The following KRT24 variants were observed in gnomAD, a reference collection of about 807,000 sequenced individuals.
The protein encoded by KRT24 is keratin, type I cytoskeletal 24.
KRT24 carries 44 observed loss-of-function variants against 51.7 expected under a neutral mutation model. The ratio of observed to expected loss-of-function variants is 0.85; its 90% CI spans 0.67 to 1.09. The LOEUF (loss-of-function observed/expected upper bound fraction) is 1.09, where lower values mean the gene tolerates loss of function less well. Among genes scored for constraint, KRT24 ranks in the 50% least tolerant of loss-of-function variants. The pLI, the probability that KRT24 is intolerant of heterozygous loss-of-function variation, is 0.00. For synonymous variants in KRT24, 241 were observed against 249.5 expected, an observed-to-expected ratio of 0.97 and a Z score of 0.32; for missense variants, 633 against 647.0, an observed-to-expected ratio of 0.98 and a Z score of 0.24.
At position 40,703,409 on chromosome 17, in the gene KRT24, C is replaced by G; in HGVS notation, c.285G>C (p.Gly95=). The change falls in exon 1 of 8, where the codon GGG becomes GGC. Residue 95 remains glycine, a synonymous_variant. Transcript: ENST00000264651. ...TGFGGGSSFG[G]VSGFGRGSGF... ...CAGAACCCCTGCCAAATCCAGAGACCCCGCCAAAGCTAGAACCCCCACCAA... is the reference window on the plus strand; with the variant it reads ...CAGAACCCCTGCCAAATCCAGAGACGCCGCCAAAGCTAGAACCCCCACCAA... The G allele has an allele frequency of 6.2e-7, 1 of 1,609,172 alleles. No individual in the cohort carries two copies. Among genetic ancestry groups the G allele is most frequent in the South Asian group, 1.1e-5 (1 of 90,990 alleles).
In KRT24 at chr17:40,700,241, T is replaced by C. The variant is rs756483222; in HGVS notation, c.998A>G (p.Glu333Gly). The C allele has an allele frequency of 2.5e-6, 4 of 1,614,072 alleles. No individual in the cohort carries two copies. Among genetic ancestry groups the C allele is most frequent in the South Asian group, 1.1e-5 (1 of 91,068 alleles). The change falls in exon 4 of 8, where the codon GAG becomes GGG. Residue 333 changes from glutamate (E) to glycine (G), a missense_variant. Coordinates refer to ENST00000264651, the MANE Select transcript of KRT24 (RefSeq NM_019016.3). ...ELAEQNRREA[E>G]ERFNKQSASL... is the part of the protein sequence containing the mutation. ...ATCTACCTGCTTGTTGAACCGCTCCTCAGCCTCTCGGCGGTTTTGCTCAGC... is the reference window on the plus strand; with the variant it reads ...ATCTACCTGCTTGTTGAACCGCTCCCCAGCCTCTCGGCGGTTTTGCTCAGC...
intron 7 of KRT24, 92 bp from the exon 8 acceptor site, chr17:40,698,432 T>C (rs1341258153): frequency 1.3e-5 from 15 of 1,126,904 alleles, no homozygotes; most frequent in Non-Finnish European, 2.0e-5. Flanking sequence ...ACGTGTTCTG[T>C]CTGGGTAAGA....
chr17:40,701,607 C>T (rs1341538187), intron 2 of KRT24, among the ~76,000 whole-genome samples: 1 of 150,268 alleles, frequency 6.7e-6, no homozygotes, highest in Non-Finnish European at 1.5e-5. Flanking sequence ...CGGTGTGTAG[C>T]TACTGGCTTA....
rs1416659242 is a variant in KRT24, at chr17:40,701,210, C to T, written c.785G>A (p.Arg262His). 10 of 1,613,994 alleles carry T rather than the reference C, an allele frequency of 6.2e-6. No homozygotes were observed. Among genetic ancestry groups the T allele is most frequent in the Non-Finnish European group, 8.5e-6 (10 of 1,179,920 alleles). ...RKVLDDLTMT[R>H]SDLEMQIESF... ...CTCAATCTGCATCTCCAGGTCAGAG[C>T]GGGTCATAGTCAGGTCATCCAGGAC... Residue 262 changes from arginine to histidine, a missense_variant, in exon 3 of 8, where the codon CGC becomes CAC. Coordinates refer to ENST00000264651, the MANE Select transcript of KRT24 (RefSeq NM_019016.3).
chr17:40,700,107 G>C lies in KRT24; in HGVS notation c.1034C>G (p.Ala345Gly), dbSNP rs1177103482. 12 of 1,614,070 alleles carry C rather than the reference G, an allele frequency of 7.4e-6. No individual in the cohort carries two copies. Among genetic ancestry groups the C allele is most frequent in the Non-Finnish European group, 1.0e-5 (12 of 1,180,036 alleles). The change falls in exon 5 of 8, where the codon GCA becomes GGA. Residue 345 changes from alanine (A) to glycine (G), a missense_variant. Physicochemically the swap from Ala to Gly is moderately conservative, Grantham distance 60. Transcript: ENST00000264651. Reference sequence around the variant, plus strand: ...TGCCCCAGCATCAGTGGAGATTTGTGCTTGTAGTGATGCGCTCTAAATACA... The same window carrying C: ...TGCCCCAGCATCAGTGGAGATTTGTCCTTGTAGTGATGCGCTCTAAATACA... Reference protein sequence around the residue: ...RFNKQSASLQAQISTDAGAAT... With the variant: ...RFNKQSASLQGQISTDAGAAT...
At position 40,701,176 on chromosome 17, in the gene KRT24, G is replaced by C. The variant is rs752093858; in HGVS notation, c.819C>G (p.Thr273=). The C allele has an allele frequency of 1.9e-6, 3 of 1,613,932 alleles. No homozygotes were observed. The highest frequency in any genetic ancestry group is 1.6e-4 in the Middle Eastern group (1 of 6,062). The change falls in exon 3 of 8, where the codon ACC becomes ACG. Residue 273 remains threonine (T), a synonymous_variant. Coordinates refer to ENST00000264651, the MANE Select transcript of KRT24 (RefSeq NM_019016.3). ...TCTTCCTCAGGTAGGCTAGCTCCTC[G>C]GTGAAACTCTCAATCTGCATCTCCA... The part of the protein sequence containing the change: ...SDLEMQIESF[T]EELAYLRKNH...
rs1296590908 is a variant in KRT24, at chr17:40,698,217, TTTG to T, written c.*17_*19del. ...GATTTTTTTTTCTTTGAAAGACACTTTTGTTGATCTGGAAGTTCCTTATTTAAC... is the reference window on the plus strand; with the variant it reads ...GATTTTTTTTTCTTTGAAAGACACTTTTGATCTGGAAGTTCCTTATTTAAC... On this transcript the variant is annotated 3_prime_UTR_variant, in exon 8 of 8. Coordinates refer to ENST00000264651, the MANE Select transcript of KRT24 (RefSeq NM_019016.3). The T allele has an allele frequency of 4.7e-6, 7 of 1,485,836 alleles. No homozygotes were observed. The Middle Eastern group carries it at 5.1e-4, about 109-fold the overall frequency. 92.0% of individuals were successfully genotyped at this position (1,485,836 alleles called of 1,614,324 possible).
rs376890305 is a variant in KRT24 at position 40,700,120 on chromosome 17, C to T, written c.1021G>A (p.Ala341Thr). Residue 341 changes from alanine to threonine, a missense_variant, in exon 5 of 8, where the codon GCA becomes ACA. Transcript: ENST00000264651. Reference sequence around the variant, plus strand: ...GTGGAGATTTGTGCTTGTAGTGATGCGCTCTAAATACAAACATAATGCAGC... The same window carrying T: ...GTGGAGATTTGTGCTTGTAGTGATGTGCTCTAAATACAAACATAATGCAGC... ...EAEERFNKQS[A>T]SLQAQISTDA... 2.6e-5 allele frequency: 42 copies of T among 1,613,964 alleles called. No individual in the cohort carries two copies. Among genetic ancestry groups the T allele is most frequent in the Non-Finnish European group, 3.1e-5 (37 of 1,180,028 alleles).
At chr17:40,699,964 C>G in intron 5 of KRT24, 34 bp downstream of exon 5, 4 of 1,613,146 alleles carry the variant, frequency 2.5e-6, no homozygotes, top group Non-Finnish European at 3.4e-6. Context: ...GCTTAACTCC[C>G]TGTTGGAAAA....
At position 40,699,611 on chromosome 17, in the gene KRT24, A is replaced by G; in HGVS notation, c.1194T>C (p.Ala398=). The part of the protein sequence containing the change: ...TLADTEAGYV[A]QLSEIQTQIS... ...TCTGCGTTTGAATTTCTGACAGCTG[A>G]GCCACGTAGCCAGCTTCTGTGTCAG... Residue 398 remains alanine (A), a synonymous_variant, in exon 6 of 8, where the codon GCT becomes GCC. Transcript: ENST00000264651. The G allele has an allele frequency of 6.2e-7, 1 of 1,614,158 alleles. No individual in the cohort carries two copies. Among genetic ancestry groups the G allele is most frequent in the South Asian group, 1.1e-5 (1 of 91,078 alleles).
intron 3 of KRT24, among the ~76,000 whole-genome samples, 180 bp from the exon 4 acceptor site, chr17:40,700,563 T>C (rs2037665087): frequency 6.6e-6 from 1 of 152,160 alleles, no homozygotes; most frequent in South Asian, 2.1e-4. Flanking sequence ...GGAAATTCAC[T>C]TAGATAAAAA....
intron 2 of KRT24, 70 bp downstream of exon 2, chr17:40,701,769 ATATATATATATT>A (rs1468690825): frequency 2.8e-4 from 11 of 39,482 alleles, no homozygotes; most frequent in Admixed American, 1.2e-3. Flanking sequence ...ATATATATAT[ATATATATATATT>A]TATTTATAAA....
intron 3 of KRT24, 95 bp from the exon 4 acceptor site, chr17:40,700,478 T>G: frequency 1.2e-6 from 1 of 869,110 alleles, no homozygotes; most frequent in South Asian, 2.3e-5. Flanking sequence ...AGTAGGACAC[T>G]GAAAGGAAAA....
chr17:40,701,864 C>A lies in KRT24; in HGVS notation c.685G>T (p.Asp229Tyr), dbSNP rs1206936891. 6.8e-7 allele frequency: 1 copy of A among 1,473,792 alleles called. No individual in the cohort carries two copies. The highest frequency in any genetic ancestry group is 9.1e-7 in the Non-Finnish European group (1 of 1,099,782). The allele number at this position is 1,473,792 out of a possible 1,614,324, so 91.3% of individuals were successfully genotyped here. ...TATGTTTCTTACTTCAGTCTGAAGT[C>A]ATCAGCAGCCAATCTGGCATTGTCA... ...HIDNARLAAD[D>Y]FRLKYENELC... Residue 229 changes from aspartate to tyrosine, a missense_variant, in exon 2 of 8, where the codon GAC becomes TAC. Physicochemically the swap from Asp to Tyr is radical, Grantham distance 160 (BLOSUM62 -3). Coordinates refer to ENST00000264651, the MANE Select transcript of KRT24 (RefSeq NM_019016.3).
In KRT24 at chr17:40,703,445, A is replaced by T. The variant is rs1387979988; in HGVS notation, c.249T>A (p.Ser83=). Residue 83 remains serine, a synonymous_variant, in exon 1 of 8, where the codon TCT becomes TCA. Coordinates refer to ENST00000264651, the MANE Select transcript of KRT24 (RefSeq NM_019016.3). ...TAGAACCCCCACCAAATCCTGTCCC[A>T]GAGCCTGAAGCTCCCCCAAAACCAC... is the stretch of plus-strand genomic sequence containing the variant. ...VGGGFGGASG[S]GTGFGGGSSF... 1 of 1,581,152 alleles carries T rather than the reference A, an allele frequency of 6.3e-7. No individual in the cohort carries two copies. Among genetic ancestry groups the T allele is most frequent in the East Asian group, 2.2e-5 (1 of 44,534 alleles).
At position 40,699,623 on chromosome 17, in the gene KRT24, A is replaced by G. The variant is rs2037651074; in HGVS notation, c.1182T>C (p.Ala394=). ...TTTCTGACAGCTGAGCCACGTAGCC[A>G]GCTTCTGTGTCAGCCAGGGTTCCCT... ...SLEGTLADTE[A]GYVAQLSEIQ... is the part of the protein sequence containing the mutation. The change falls in exon 6 of 8, where the codon GCT becomes GCC. Residue 394 remains alanine (A), a synonymous_variant. Transcript: ENST00000264651. The G allele has an allele frequency of 1.2e-6, 2 of 1,614,196 alleles. No individual in the cohort carries two copies. Among genetic ancestry groups the G allele is most frequent in the East Asian group, 2.2e-5 (1 of 44,892 alleles).
In KRT24 at chr17:40,700,174, C is replaced by T. The variant is rs201880280; in HGVS notation, c.1017+48G>A. On this transcript the variant is annotated intron_variant, in intron 4 of 7. Transcript: ENST00000264651. Reference sequence around the variant, plus strand: ...TGTAGGCTGATGAAAGGAGCAGAAGCGGCTTGTGTGTGGCTACTGGCTTAG... The same window carrying T: ...TGTAGGCTGATGAAAGGAGCAGAAGTGGCTTGTGTGTGGCTACTGGCTTAG... The T allele has an allele frequency of 3.0e-4, 484 of 1,613,852 alleles. 3 individuals are homozygous for T. The Middle Eastern group carries it at 5.9e-3, about 20-fold the overall frequency.
At chr17:40,701,988 C>T in intron 1 of KRT24, 55 bp from the exon 2 acceptor site, 2 of 885,244 alleles carry the variant, frequency 2.3e-6, no homozygotes, top group South Asian at 1.6e-5. Context: ...CTTGTGTCTG[C>T]ATGCCTACTT....
Position 40,698,588 on chromosome 17 carries a change from T to A in KRT24, c.1424A>T (p.Asp475Val). ...NSGSVNMGSR[D>V]LVSGDSRSGS... ...AGATCTTGAGTCACCAGATACCAGA[T>A]CCCTGGATCCCATGTTTACAGATCC... Residue 475 changes from aspartate (D) to valine (V), a missense_variant, in exon 7 of 8, where the codon GAT becomes GTT. Physicochemically the swap from Asp to Val is radical, Grantham distance 152 (BLOSUM62 -3). Transcript: ENST00000264651. 1 of 1,613,280 alleles carries A rather than the reference T, an allele frequency of 6.2e-7. No homozygotes were observed. Among genetic ancestry groups the A allele is most frequent in the Non-Finnish European group, 8.5e-7 (1 of 1,179,272 alleles).
Sources: allele counts gnomAD v4.1 joint callset (sites outside exome capture counted in the v4.1 genomes callset), GRCh38; gene constraint gnomAD v4.1.1; transcripts MANE v1.5; gene names NCBI Gene and HGNC (gene_info 2026-07-23, HGNC 2026-07-21).